Variants in DRICH1 observed in about 807,000 individuals in gnomAD.
The protein encoded by DRICH1 is aspartate-rich protein 1.
DRICH1 carries 38 observed loss-of-function variants against 39.5 expected under a neutral mutation model. The observed-to-expected ratio is 0.96, with a 90% CI of 0.74 to 1.26. DRICH1 has a LOEUF of 1.26. Among genes scored for constraint, DRICH1 ranks in the 50% most tolerant of loss-of-function variants. The pLI, the probability that DRICH1 is intolerant of heterozygous loss-of-function variation, is 0.00. For synonymous variants in DRICH1, 84 were observed against 99.5 expected, an observed-to-expected ratio of 0.84 and a Z score of 0.93; for missense variants, 279 against 270.4, an observed-to-expected ratio of 1.03 and a Z score of -0.22.
rs1927665412 is a variant in DRICH1, at chr22:23,620,624, A to G, written c.385-9T>C. 6.2e-7 allele frequency: 1 copy of G among 1,613,650 alleles called. No homozygotes were observed. The highest frequency in any genetic ancestry group is 8.5e-7 in the Non-Finnish European group (1 of 1,179,656). On this transcript the variant is annotated splice_polypyrimidine_tract_variant and intron_variant, in intron 4 of 11. Transcript: ENST00000317749. ...ACACGTGACGGTAAAATCTGCAACG[A>G]GACAAAAGAAGATGCTATGAGGATC... is the stretch of plus-strand genomic sequence containing the variant.
chr22:23,627,828 G>A (rs1928158871), intron 1 of DRICH1, among the ~76,000 whole-genome samples: 1 of 152,106 alleles, frequency 6.6e-6, no homozygotes, highest in Non-Finnish European at 1.5e-5. Context: ...AGGCTGGACA[G>A]GCTGAGAAGG....
At chr22:23,613,186 T>C in intron 11 of DRICH1, 103 bp downstream of exon 11, 1 of 843,612 alleles carries the variant, frequency 1.2e-6, no homozygotes, top group Admixed American at 1.8e-5. Flanking sequence ...TCTTTCTGAT[T>C]TCATACCCCC....
the DRICH1 span, among the ~76,000 whole-genome samples, chr22:23,602,582 G>A: frequency 6.6e-6 from 1 of 152,218 alleles, no homozygotes; most frequent in Non-Finnish European, 1.5e-5. Flanking sequence ...CTACGCGAGA[G>A]GCTGAGGCAA....
intron 1 of DRICH1, among the ~76,000 whole-genome samples, chr22:23,629,912 C>T (rs536645316): frequency 6.6e-6 from 1 of 152,252 alleles, no homozygotes; most frequent in East Asian, 1.9e-4. Flanking sequence ...CCACCGTGCC[C>T]GGCCATGGAT....
intron 11 of DRICH1, among the ~76,000 whole-genome samples, chr22:23,611,901 T>C (rs1267763014): frequency 6.6e-6 from 1 of 152,110 alleles, no homozygotes; most frequent in African/African-American, 2.4e-5. Context: ...TAATATGTTA[T>C]ACAAATGACA....
intron 5 of DRICH1, among the ~76,000 whole-genome samples, chr22:23,619,737 GCTTCTCCCTC>G (rs1411170877): frequency 6.6e-6 from 1 of 152,212 alleles, no homozygotes; most frequent in Non-Finnish European, 1.5e-5. Context: ...TGAAGGTTGT[GCTTCTCCCTC>G]CATTTCCAAG....
At chr22:23,609,345 T>C (rs1219701195) in intron 11 of DRICH1, among the ~76,000 whole-genome samples, 1 of 152,146 alleles carries the variant, frequency 6.6e-6, no homozygotes, top group Non-Finnish European at 1.5e-5. Flanking sequence ...CATAAATGGG[T>C]ATGATTTTGG....
At chr22:23,630,052 A>G (rs1928298489) in intron 1 of DRICH1, among the ~76,000 whole-genome samples, 2 of 152,216 alleles carry the variant, frequency 1.3e-5, no homozygotes, top group African/African-American at 4.8e-5. Context: ...GCACTGTTCC[A>G]TGTGATCCCT....
At chr22:23,595,568 T>G in the DRICH1 span, among the ~76,000 whole-genome samples, 160 of 152,150 alleles carry the variant, frequency 1.1e-3, no homozygotes, top group African/African-American at 2.3e-3. Flanking sequence ...ATCCTAAAAT[T>G]AAGTAAACAC....
At chr22:23,630,290 T>C (rs17002907) in intron 1 of DRICH1, among the ~76,000 whole-genome samples, 3,405 of 152,286 alleles carry the variant, frequency 0.022, 129 homozygotes, top group African/African-American at 0.078. Context: ...TGTGGGGTCA[T>C]ATATCACGGT....
the DRICH1 span, among the ~76,000 whole-genome samples, chr22:23,589,118 ACACACACAC>A: frequency 1.1e-4 from 16 of 141,714 alleles, no homozygotes; most frequent in South Asian, 3.4e-3. Flanking sequence ...ACACACACAC[ACACACACAC>A]CCCTTTGATA....
intron 7 of DRICH1, among the ~76,000 whole-genome samples, chr22:23,617,332 C>A (rs1927417022): frequency 6.6e-6 from 1 of 152,110 alleles, no homozygotes; most frequent in Admixed American, 6.6e-5. Context: ...ATAATGTATA[C>A]AGTGGTCCAT....
the DRICH1 span, among the ~76,000 whole-genome samples, chr22:23,586,277 C>T: frequency 2.0e-5 from 3 of 152,136 alleles, no homozygotes; most frequent in Admixed American, 2.0e-4. Context: ...TCACTTGAGC[C>T]CAGGAGTTTG....
intron 3 of DRICH1, 35 bp from the exon 4 acceptor site, chr22:23,622,211 T>G (rs746360096): frequency 6.3e-7 from 1 of 1,598,964 alleles, no homozygotes; most frequent in African/African-American, 1.3e-5. Flanking sequence ...CGTGCCCTGG[T>G]TGATTGTGAC....
At chr22:23,626,351 A>G (rs1343074170) in intron 1 of DRICH1, among the ~76,000 whole-genome samples, 2 of 152,234 alleles carry the variant, frequency 1.3e-5, no homozygotes, top group Non-Finnish European at 2.9e-5. Context: ...AAAGGTAATC[A>G]TTAAATATCA....
At chr22:23,616,662 C>A (rs113928495) in intron 8 of DRICH1, among the ~76,000 whole-genome samples, 191 bp downstream of exon 8, 3,010 of 152,208 alleles carry the variant, frequency 0.02, 88 homozygotes, top group African/African-American at 0.069. Flanking sequence ...CTGGCTCACA[C>A]AAAATCTCCT....
the DRICH1 span, among the ~76,000 whole-genome samples, chr22:23,590,429 C>T: frequency 6.6e-6 from 1 of 151,928 alleles, no homozygotes; most frequent in African/African-American, 2.4e-5. Flanking sequence ...AGGCATGCAC[C>T]ACCACACCCA....
chr22:23,597,136 T>C, the DRICH1 span, among the ~76,000 whole-genome samples: 45,656 of 102,354 alleles, frequency 0.45, 11,755 homozygotes, highest in East Asian at 0.61. Flanking sequence ...TGACCCATCT[T>C]TCTTTTCCTT....
the DRICH1 span, among the ~76,000 whole-genome samples, chr22:23,599,434 G>T: frequency 6.6e-6 from 1 of 152,208 alleles, no homozygotes; most frequent in Non-Finnish European, 1.5e-5. Flanking sequence ...GCCCAGACCT[G>T]CTCTCTCCCT....
Sources: allele counts gnomAD v4.1 joint callset (sites outside exome capture counted in the v4.1 genomes callset), GRCh38; gene constraint gnomAD v4.1.1; transcripts MANE v1.5; gene names NCBI Gene and HGNC (gene_info 2026-07-23, HGNC 2026-07-21).